LARGE1: variants seen among roughly 807,000 people sequenced by gnomAD.
LARGE1 encodes the protein LARGE xylosyl- and glucuronyltransferase 1, also known as xylosyl- and glucuronyltransferase LARGE1.
LARGE1 carries 43 observed loss-of-function variants against 87.6 expected under a neutral mutation model. The ratio of observed to expected loss-of-function variants is 0.49; its 90% CI spans 0.38 to 0.63. The LOEUF is 0.63. Ranked by LOEUF, LARGE1 falls within the 30% of genes least tolerant of loss-of-function variation. The probability of loss-of-function intolerance (pLI) is 0.00; values close to 1 mark genes in which losing one functional copy is unlikely to be tolerated. For synonymous variants in LARGE1, 434 were observed against 394.6 expected, an observed-to-expected ratio of 1.10 and a Z score of -1.18; for missense variants, 802 against 1,000.2, an observed-to-expected ratio of 0.80 and a Z score of 2.67.
At chr22:33,157,816 T>C (rs1444792719), downstream of LARGE1, among the ~76,000 whole-genome samples, 5 of 152,162 alleles carry the variant, frequency 3.3e-5, no homozygotes, top group Non-Finnish European at 5.9e-5. Flanking sequence ...AAAAACTAGC[T>C]TTCACAAAAG....
In LARGE1 at chr22:33,843,440, A is replaced by AAAAAAAAT. The variant is rs71320994; in HGVS notation, c.-83+76554_-83+76555insATTTTTTT. Reference sequence around the variant, plus strand: ...GGATAGAGCAAGACTCCCTCTCAAAAAAATAAATAAATAAATAAATAAATA... The same window carrying AAAAAAAAT: ...GGATAGAGCAAGACTCCCTCTCAAAAAAAAAAATAAATAAATAAATAAATAAATAAATA... On this transcript the variant is annotated intron_variant, in intron 1 of 14. Coordinates refer to ENST00000397394, the MANE Select transcript of LARGE1 (RefSeq NM_133642.5). Among the ~76,000 whole-genome samples, 266 of 146,618 alleles carry AAAAAAAAT rather than the reference A, an allele frequency of 1.8e-3. 4 individuals carry two copies. The highest frequency in any genetic ancestry group is 6.5e-3 in the African/African-American group (253 of 39,140).
chr22:33,889,708 G>T (rs997074942), intron 1 of LARGE1, among the ~76,000 whole-genome samples: 1 of 152,206 alleles, frequency 6.6e-6, no homozygotes, highest in Non-Finnish European at 1.5e-5. Flanking sequence ...GCACCTACAA[G>T]GGGATGGGGT....
intron 6 of LARGE1, among the ~76,000 whole-genome samples, chr22:33,481,218 G>GAC (rs1166690907): frequency 6.0e-5 from 8 of 133,268 alleles, no homozygotes; most frequent in Non-Finnish European, 1.1e-4. Context: ...TGGCACTATA[G>GAC]ATACACACAC....
intron 11 of LARGE1, among the ~76,000 whole-genome samples, chr22:33,254,393 G>A (rs961339006): frequency 6.6e-6 from 1 of 152,210 alleles, no homozygotes; most frequent in African/African-American, 2.4e-5. Context: ...TGAAGAGGTT[G>A]TGGTTTGGTT....
At chr22:33,728,257 G>A (rs1454696681) in intron 2 of LARGE1, among the ~76,000 whole-genome samples, 2 of 151,952 alleles carry the variant, frequency 1.3e-5, no homozygotes, top group East Asian at 1.9e-4. Flanking sequence ...TTTCCAGAAC[G>A]GCCAGGCTCA....
At chr22:33,915,424 CTAAG>C (rs533110329) in intron 1 of LARGE1, among the ~76,000 whole-genome samples, 16 of 152,058 alleles carry the variant, frequency 1.1e-4, no homozygotes, top group South Asian at 2.1e-4. Context: ...TTGTTCTCAC[CTAAG>C]TGTTTTTTTT....
chr22:33,147,913 T>C, the LARGE1 span, among the ~76,000 whole-genome samples: 2 of 152,216 alleles, frequency 1.3e-5, no homozygotes, highest in Non-Finnish European at 2.9e-5. Flanking sequence ...CCATCTGCTA[T>C]GGTTTAAATG....
At chr22:33,134,875 C>A in the LARGE1 span, among the ~76,000 whole-genome samples, 2 of 152,116 alleles carry the variant, frequency 1.3e-5, no homozygotes, top group Non-Finnish European at 2.9e-5. Context: ...ACCCAGATTT[C>A]TTTTATATGT....
At chr22:33,475,654 G>T (rs2069046246) in intron 6 of LARGE1, among the ~76,000 whole-genome samples, 1 of 151,816 alleles carries the variant, frequency 6.6e-6, no homozygotes, top group South Asian at 2.1e-4. Context: ...GTAGAGACGG[G>T]GTTTCTCCAA....
At chr22:33,897,766 T>C (rs1411865212) in intron 1 of LARGE1, among the ~76,000 whole-genome samples, 1 of 152,188 alleles carries the variant, frequency 6.6e-6, no homozygotes, top group African/African-American at 2.4e-5. Flanking sequence ...CAGGGACCTG[T>C]CGGTGAGACC....
chr22:33,327,601 G>T (rs560634516), intron 10 of LARGE1, among the ~76,000 whole-genome samples: 2 of 152,296 alleles, frequency 1.3e-5, no homozygotes, highest in East Asian at 3.9e-4. Context: ...TGTCGCTCAG[G>T]CTAGAGTGTG....
At chr22:33,249,895 A>G (rs985069044) in intron 11 of LARGE1, among the ~76,000 whole-genome samples, 2 of 152,180 alleles carry the variant, frequency 1.3e-5, no homozygotes, top group African/African-American at 4.8e-5. Context: ...CCATTGATAT[A>G]GTCATTCTTT....
intron 2 of LARGE1, among the ~76,000 whole-genome samples, chr22:33,652,753 C>CT: frequency 6.6e-6 from 1 of 152,196 alleles, no homozygotes; most frequent in Non-Finnish European, 1.5e-5. Flanking sequence ...CTGCAGGTCT[C>CT]ACTTGTGCTT....
chr22:33,183,634 A>ACGCACG lies in LARGE1; in HGVS notation c.1731-16803_1731-16802insCGTGCG, dbSNP rs1246387847. Among the ~76,000 whole-genome samples, 856 of 146,524 alleles carry ACGCACG rather than the reference A, an allele frequency of 5.8e-3. 7 individuals are homozygous for ACGCACG. The highest frequency in any genetic ancestry group is 0.021 in the African/African-American group (806 of 38,356). ...CACACACACACGCACACACACACAC[A>ACGCACG]CACACACACACACACACACAGTATT... On this transcript the variant is annotated intron_variant, in intron 11 of 11. Coordinates refer to the LARGE1 transcript ENST00000608642.
chr22:33,482,973 C>T (rs978410625), intron 6 of LARGE1, among the ~76,000 whole-genome samples: 1 of 152,058 alleles, frequency 6.6e-6, no homozygotes, highest in African/African-American at 2.4e-5. Flanking sequence ...AGATTGCATG[C>T]GGGATGGACA....
chr22:33,770,762 T>C (rs2085044095), intron 1 of LARGE1, among the ~76,000 whole-genome samples: 1 of 152,180 alleles, frequency 6.6e-6, no homozygotes, highest in South Asian at 2.1e-4. Flanking sequence ...AAAAAAATTT[T>C]ATGTGTATGT....
At chr22:33,566,956 C>T (rs1413232158) in intron 5 of LARGE1, among the ~76,000 whole-genome samples, 1 of 152,180 alleles carries the variant, frequency 6.6e-6, no homozygotes, top group Non-Finnish European at 1.5e-5. Flanking sequence ...AAAGCATCCC[C>T]AACTCTGTGT....
At chr22:33,496,060 G>T (rs1239711143) in intron 6 of LARGE1, among the ~76,000 whole-genome samples, 1 of 152,280 alleles carries the variant, frequency 6.6e-6, no homozygotes, top group South Asian at 2.1e-4. Flanking sequence ...TGAGGTGCAA[G>T]GAAGCCAGTC....
At chr22:33,827,153 G>A (rs1460621031) in intron 1 of LARGE1, among the ~76,000 whole-genome samples, 1 of 151,650 alleles carries the variant, frequency 6.6e-6, no homozygotes, top group East Asian at 1.9e-4. Flanking sequence ...ATAAGGTCAG[G>A]AGATCGAGAC....
Sources: allele counts gnomAD v4.1 joint callset (sites outside exome capture counted in the v4.1 genomes callset), GRCh38; gene constraint gnomAD v4.1.1; transcripts MANE v1.5; gene names NCBI Gene and HGNC (gene_info 2026-07-23, HGNC 2026-07-21).